The following UPF1 variants were observed in gnomAD, a reference collection of about 807,000 sequenced individuals.
UPF1 encodes the protein regulator of nonsense transcripts 1.
In UPF1, 9 loss-of-function variants were observed where a neutral mutation model predicts 129.2. The ratio of observed to expected loss-of-function variants is 0.07; its 90% CI spans 0.04 to 0.12. The LOEUF is 0.12. Among genes scored for constraint, UPF1 ranks in the 10% least tolerant of loss-of-function variants. The probability of loss-of-function intolerance (pLI) is 1.00; values close to 1 mark genes in which losing one functional copy is unlikely to be tolerated. For synonymous variants in UPF1, 649 were observed against 644.9 expected, an observed-to-expected ratio of 1.01 and a Z score of -0.10; for missense variants, 788 against 1,525.3, an observed-to-expected ratio of 0.52 and a Z score of 8.05.
intron 1 of UPF1, among the ~76,000 whole-genome samples, chr19:18,842,716 G>T (rs1295001717): frequency 1.3e-5 from 2 of 151,856 alleles, no homozygotes; most frequent in East Asian, 3.9e-4. Flanking sequence ...AATTTGGGGG[G>T]GTGCTGGGTG....
At chr19:18,861,699 C>T (rs2055781601) in intron 17 of UPF1, among the ~76,000 whole-genome samples, 1 of 152,084 alleles carries the variant, frequency 6.6e-6, no homozygotes, top group African/African-American at 2.4e-5. Context: ...GGTATGGTGG[C>T]ATGTGTCTAT....
At chr19:18,839,122 C>G (rs1393170623) in intron 1 of UPF1, among the ~76,000 whole-genome samples, 1 of 152,130 alleles carries the variant, frequency 6.6e-6, no homozygotes, top group African/African-American at 2.4e-5. Flanking sequence ...GACGGAGTCT[C>G]GCACTGTCGC....
Position 18,846,925 on chromosome 19 carries a change from C to T in UPF1, c.371+806C>T, listed in dbSNP as rs1401811724. Among the ~76,000 whole-genome samples, 4 of 152,236 alleles carry T rather than the reference C, an allele frequency of 2.6e-5. No individual in the cohort carries two copies. In the South Asian group the frequency reaches 6.2e-4, roughly 24 times the overall value. On this transcript the variant is annotated intron_variant, in intron 2 of 23. Coordinates refer to ENST00000262803, the MANE Select transcript of UPF1 (RefSeq NM_002911.4). ...AGGAGAATGACATGAACCCGGGAGG[C>T]GGAGGTTGTAGTGAGCCGAGATCGC...
At chr19:18,844,490 A>T (rs1327910217) in intron 1 of UPF1, among the ~76,000 whole-genome samples, 3 of 145,508 alleles carry the variant, frequency 2.1e-5, no homozygotes, top group Admixed American at 6.8e-5. Flanking sequence ...CGTCCAGCTA[A>T]TTTTTTTTTT....
At position 18,845,173 on chromosome 19, in the gene UPF1, GC is replaced by G. The variant is rs1401171059; in HGVS notation, c.232-804del. The stretch of plus-strand genomic sequence containing the variant: ...GGGGAGCTCCCATCACTCCTCCCTG[GC>G]CCTTAATTTTGTGCCACCTTGTGTT... On this transcript the variant is annotated intron_variant, in intron 1 of 23. Transcript: ENST00000262803. Among the ~76,000 whole-genome samples the G allele has an allele frequency of 2.0e-5, 3 of 152,242 alleles. No homozygotes were observed. In the South Asian group the frequency reaches 6.2e-4, roughly 31 times the overall value.
At position 18,850,875 on chromosome 19, in the gene UPF1, C is replaced by A. The variant is rs1255145907; in HGVS notation, c.810+7C>A. The A allele has an allele frequency of 6.4e-7, 1 of 1,566,346 alleles. No homozygotes were observed. Among genetic ancestry groups the A allele is most frequent in the Non-Finnish European group, 8.7e-7 (1 of 1,153,998 alleles). ...GCTGGAGGAGCTGTGGAAGGTGGGGCTGCCCAGCGGGCCGACCCGTGCCTT... is the reference window on the plus strand; with the variant it reads ...GCTGGAGGAGCTGTGGAAGGTGGGGATGCCCAGCGGGCCGACCCGTGCCTT... On this transcript the variant is annotated splice_region_variant and intron_variant, in intron 5 of 23. Coordinates refer to ENST00000262803, the MANE Select transcript of UPF1 (RefSeq NM_002911.4). This position sits in a 1 kb window ranked among gnomAD's most constrained non-coding sequence, Gnocchi z 7.1.
chr19:18,863,816 C>T (rs1352480242), intron 19 of UPF1, among the ~76,000 whole-genome samples: 1 of 152,156 alleles, frequency 6.6e-6, no homozygotes, highest in Non-Finnish European at 1.5e-5. Context: ...GCCGCTAAGT[C>T]CTGGGTGGCC....
In UPF1 at chr19:18,867,337, A is replaced by C. The variant is rs994282698; in HGVS notation, c.*820A>C. 3.9e-5 allele frequency: 6 copies of C among 152,238 alleles called. No homozygotes were observed. 9.4% of individuals were successfully genotyped at this position (152,238 alleles called of 1,614,324 possible). ...CTGGAAGCTGCTCGTTCTCCGCTGG[A>C]CTCAGAAGCCAAGCTGCTTCCCGCC... On this transcript the variant is annotated 3_prime_UTR_variant, in exon 24 of 24. Transcript: ENST00000262803.
intron 13 of UPF1, 129 bp from the exon 14 acceptor site, chr19:18,856,748 A>G (rs1279246560): frequency 7.6e-6 from 10 of 1,311,352 alleles, no homozygotes; most frequent in Non-Finnish European, 1.0e-5. Context: ...TCTGGGAGGG[A>G]CAGCTTGTTT....
rs773548031 is a variant in UPF1, at chr19:18,856,256, C to A, written c.1780C>A (p.Arg594=). 2 of 1,608,026 alleles carry A rather than the reference C, an allele frequency of 1.2e-6. No individual in the cohort carries two copies. The highest frequency in any genetic ancestry group is 1.7e-6 in the Non-Finnish European group (2 of 1,175,192). Residue 594 remains arginine, a synonymous_variant, in exon 13 of 24, where the codon CGG becomes AGG. Transcript: ENST00000262803. The part of the protein sequence containing the change: ...TGELSSADEK[R]YRALKRTAER... ...GGAGCTGTCGTCTGCCGACGAGAAG[C>A]GGTACCGGGCCTTGAAGCGCACCGC...
chr19:18,843,753 T>TGTGTG (rs2055568248), intron 1 of UPF1, among the ~76,000 whole-genome samples: 1 of 140,314 alleles, frequency 7.1e-6, no homozygotes, highest in Admixed American at 7.1e-5. Context: ...GTGTGTGTGT[T>TGTGTG]GTTGTTAAGA....
intron 1 of UPF1, among the ~76,000 whole-genome samples, chr19:18,838,717 G>T (rs1205536427): frequency 6.6e-6 from 1 of 151,880 alleles, no homozygotes; most frequent in Non-Finnish European, 1.5e-5. Context: ...TGTGGTTTTA[G>T]GGTGCCAGAA....
chr19:18,850,556 A>C lies in UPF1; in HGVS notation c.630-132A>C, dbSNP rs1201958382. 1 of 1,028,820 alleles carries C rather than the reference A, an allele frequency of 9.7e-7. No individual in the cohort carries two copies. The highest frequency in any genetic ancestry group is 2.7e-5 in the East Asian group (1 of 36,674). The allele number at this position is 1,028,820 out of a possible 1,614,324, so 63.7% of individuals were successfully genotyped here. ...GATGCGATTTATTACTAACAGTTTG[A>C]AGGTAATGTGATCACATAATAAAAT... On this transcript the variant is annotated intron_variant, in intron 4 of 23. Transcript: ENST00000262803. The surrounding 1 kb of genome is among the most constrained non-coding windows in gnomAD (Gnocchi z 7.1).
In UPF1 at chr19:18,851,666, G is replaced by A. The variant is rs1002003302; in HGVS notation, c.811-469G>A. ...CGGGCCCATGTTGGTCTGGCTCAGG[G>A]TTAGCAGACGTGGGAGACAGGCCTC... On this transcript the variant is annotated intron_variant, in intron 5 of 23. Transcript: ENST00000262803. The surrounding 1 kb of genome is among the most constrained non-coding windows in gnomAD (Gnocchi z 4.2). Among the ~76,000 whole-genome samples, 14 of 152,244 alleles carry A rather than the reference G, an allele frequency of 9.2e-5. No homozygotes were observed. The highest frequency in any genetic ancestry group is 3.4e-4 in the African/African-American group (14 of 41,470).
Position 18,864,261 on chromosome 19 carries a change from TC to T in UPF1, c.2857+11del, listed in dbSNP as rs761234889. 2 of 1,608,372 alleles carry T rather than the reference TC, an allele frequency of 1.2e-6. No individual in the cohort carries two copies. The highest frequency in any genetic ancestry group is 2.2e-5 in the East Asian group (1 of 44,670). On this transcript the variant is annotated intron_variant, in intron 20 of 23. Coordinates refer to ENST00000262803, the MANE Select transcript of UPF1 (RefSeq NM_002911.4). ...GATCGGAGCAGCCAGGGTGAGTCGC[TC>T]AGCAGGGGACCTGGCCGACCCCTTG... is the stretch of plus-strand genomic sequence containing the variant.
rs112704906 is a variant in UPF1, at chr19:18,856,147, C to T, written c.1710-39C>T. 2,135 of 1,607,010 alleles carry T rather than the reference C, an allele frequency of 1.3e-3. 22 individuals are homozygous for T. In the African/African-American group the frequency reaches 0.026, roughly 19 times the overall value. ...CCTGAGCTTCTGCGGGTGACATGTA[C>T]AGAACTCAGGCACCCTGCTGACCTG... On this transcript the variant is annotated intron_variant, in intron 12 of 23. Coordinates refer to ENST00000262803, the MANE Select transcript of UPF1 (RefSeq NM_002911.4).
intron 1 of UPF1, among the ~76,000 whole-genome samples, chr19:18,839,500 C>G (rs1474218908): frequency 6.6e-6 from 1 of 152,214 alleles, no homozygotes; most frequent in Non-Finnish European, 1.5e-5. Context: ...TTTCCGCTCC[C>G]TCCCCACCAC....
At chr19:18,846,406 C>T (rs926332814) in intron 2 of UPF1, among the ~76,000 whole-genome samples, 49 of 152,042 alleles carry the variant, frequency 3.2e-4, no homozygotes, top group Non-Finnish European at 6.6e-4. Flanking sequence ...CTGGTACCTG[C>T]GCACTCACTC....
At chr19:18,842,979 C>T (rs1379273173) in intron 1 of UPF1, among the ~76,000 whole-genome samples, 3 of 151,582 alleles carry the variant, frequency 2.0e-5, no homozygotes, top group Non-Finnish European at 4.4e-5. Flanking sequence ...GAGAGTGAAA[C>T]TCCGTCTCAA....
Sources: allele counts gnomAD v4.1 joint callset (sites outside exome capture counted in the v4.1 genomes callset), GRCh38; gene constraint gnomAD v4.1.1; non-coding constraint Gnocchi (gnomAD v3.1); transcripts MANE v1.5; gene names NCBI Gene and HGNC (gene_info 2026-07-23, HGNC 2026-07-21).